SLCO5A1: variants seen among roughly 807,000 people sequenced by gnomAD.
The protein encoded by SLCO5A1 is solute carrier organic anion transporter family member 5A1.
A neutral mutation model predicts 65.1 loss-of-function variants in SLCO5A1; 39 were observed. That is an observed-to-expected ratio of 0.60 (90% CI 0.46 to 0.78). The LOEUF (loss-of-function observed/expected upper bound fraction) is 0.78. Among genes scored for constraint, SLCO5A1 ranks in the 30% least tolerant of loss-of-function variants. The pLI is 0.00. For missense variants in SLCO5A1, 1,029 were observed against 1,069.4 expected (o/e 0.96, Z 0.53); for synonymous variants, 438 against 415.7 (o/e 1.05, Z -0.65).
chr8:69,766,671 T>C (rs1818073060), intron 2 of SLCO5A1, among the ~76,000 whole-genome samples: 2 of 152,188 alleles, frequency 1.3e-5, no homozygotes, highest in South Asian at 4.1e-4. Flanking sequence ...AATTAAAGAC[T>C]CTTTGCCCAA....
chr8:69,756,961 C>G (rs1410853099), intron 3 of SLCO5A1, among the ~76,000 whole-genome samples: 1 of 152,236 alleles, frequency 6.6e-6, no homozygotes, highest in Admixed American at 6.5e-5. Flanking sequence ...AAATGCTCAA[C>G]ACATTCCCAT....
chr8:69,774,079 T>C (rs1023881842), intron 2 of SLCO5A1, among the ~76,000 whole-genome samples: 5 of 152,264 alleles, frequency 3.3e-5, no homozygotes, highest in African/African-American at 1.2e-4. Flanking sequence ...TTTTTCTCAC[T>C]GATGCATTAT....
In SLCO5A1 at chr8:69,670,660, C is replaced by G. The variant is rs181607292; in HGVS notation, c.*2209G>C. 1 of 152,158 alleles carries G rather than the reference C, an allele frequency of 6.6e-6. No homozygotes were observed. Among genetic ancestry groups the G allele is most frequent in the Non-Finnish European group, 1.5e-5 (1 of 68,046 alleles). 9.4% of individuals were successfully genotyped at this position (152,158 alleles called of 1,614,324 possible). A position where few individuals can be genotyped will look rare whatever the true frequency, so the allele number is the denominator to read the frequency against. Reference sequence around the variant, plus strand: ...CACCTGAAGATACCTGGCACCTGATCAGTGATCGCCAAACTGGATGACTGT... The same window carrying G: ...CACCTGAAGATACCTGGCACCTGATGAGTGATCGCCAAACTGGATGACTGT... On this transcript the variant is annotated 3_prime_UTR_variant, in exon 10 of 10. Transcript: ENST00000260126.
chr8:69,754,622 C>G (rs771012022), intron 4 of SLCO5A1, among the ~76,000 whole-genome samples: 1 of 152,108 alleles, frequency 6.6e-6, no homozygotes, highest in Non-Finnish European at 1.5e-5. Flanking sequence ...GGGAGTGTCA[C>G]ATTATAGGTT....
At position 69,712,218 on chromosome 8, in the gene SLCO5A1, C is replaced by A. The variant is rs148775369; in HGVS notation, c.1424-6989G>T. On this transcript the variant is annotated intron_variant, in intron 5 of 9. Transcript: ENST00000260126. ...ATCCTGCTGCTTTCCAGCTGGAAATCTTTTATCTAGTCATTTATCCAAGCA... is the reference window on the plus strand; with the variant it reads ...ATCCTGCTGCTTTCCAGCTGGAAATATTTTATCTAGTCATTTATCCAAGCA... 4.1e-3 allele frequency among the ~76,000 whole-genome samples: 620 copies of A among 152,256 alleles called. 7 individuals are homozygous for A. Among genetic ancestry groups the A allele is most frequent in the Non-Finnish European group, 5.2e-3 (356 of 68,016 alleles).
At chr8:69,756,976 T>G (rs970110625) in intron 3 of SLCO5A1, among the ~76,000 whole-genome samples, 28 of 152,228 alleles carry the variant, frequency 1.8e-4, no homozygotes, top group African/African-American at 6.8e-4. Context: ...TCCCATCAAC[T>G]GTAACCAGAA....
chr8:69,729,446 CAAAAAAAAAA>C (rs56392223), intron 5 of SLCO5A1, among the ~76,000 whole-genome samples: 3 of 80,522 alleles, frequency 3.7e-5, no homozygotes, highest in Admixed American at 2.0e-4. Context: ...TCCGTCCCAA[CAAAAAAAAAA>C]AAAAAAAAAA....
chr8:69,783,061 C>G (rs1818866580), intron 2 of SLCO5A1, among the ~76,000 whole-genome samples: 1 of 152,066 alleles, frequency 6.6e-6, no homozygotes, highest in Non-Finnish European at 1.5e-5. Context: ...GTAAATGAAA[C>G]AATGTACATA....
chr8:69,755,519 G>C lies in SLCO5A1; in HGVS notation c.1163C>G (p.Ala388Gly), dbSNP rs1244583602. The change falls in exon 4 of 10, where the codon GCT (alanine) becomes GGT (glycine). Residue 388 changes from alanine to glycine, a missense_variant. Ala to Gly is a moderately conservative substitution (Grantham distance 60, BLOSUM62 0). Around this residue, in one of 3 missense-constraint regions of SLCO5A1, gnomAD observed 647 missense variants for 647.5 expected, o/e 1.00. Transcript: ENST00000260126. ...KKKKKKFSVD[A>G]VSDDDVLKEK... ...CTTCAGAACATCGTCATCACTAACA[G>C]CATCAACAGAAAATTTTTTCTTTTT... 6.2e-7 allele frequency: 1 copy of C among 1,614,046 alleles called. No homozygotes were observed.
In SLCO5A1 at chr8:69,735,362, G is replaced by A. The variant is rs553589380; in HGVS notation, c.1423+2678C>T. On this transcript the variant is annotated intron_variant, in intron 5 of 9. Transcript: ENST00000260126. ...TATAAATAATTATATTATAAAATGC[G>A]TGCACACGTATGTTCATTGCAGCAT... is the stretch of plus-strand genomic sequence containing the variant. Among the ~76,000 whole-genome samples, 42 of 152,202 alleles carry A rather than the reference G, an allele frequency of 2.8e-4. No homozygotes were observed. The South Asian group carries it at 4.1e-3, about 15-fold the overall frequency.
At chr8:69,811,518 G>A (rs984953606) in intron 2 of SLCO5A1, among the ~76,000 whole-genome samples, 1 of 152,144 alleles carries the variant, frequency 6.6e-6, no homozygotes, top group African/African-American at 2.4e-5. Context: ...AGAACACTCT[G>A]GTGTAATGAA....
At chr8:69,692,697 C>T (rs1484558716) in intron 6 of SLCO5A1, among the ~76,000 whole-genome samples, 2 of 152,126 alleles carry the variant, frequency 1.3e-5, no homozygotes, top group African/African-American at 2.4e-5. Context: ...TAGCCTACAC[C>T]TACACAGGGT....
chr8:69,706,796 A>C (rs902801442), intron 5 of SLCO5A1, among the ~76,000 whole-genome samples: 5 of 152,196 alleles, frequency 3.3e-5, no homozygotes, highest in African/African-American at 1.2e-4. Flanking sequence ...TTAACTTTAT[A>C]ATTATCTTTA....
In SLCO5A1 at chr8:69,682,273, C is replaced by T. The variant is rs1264477188; in HGVS notation, c.1693G>A (p.Glu565Lys). ...TCTGATCCACAGACTGGCTCATACT[C>T]GTGTATTTTACAACCACAATTAACG... ...CNVNCGCKIHEYEPVCGSDGI... is the reference protein window; with the variant it reads ...CNVNCGCKIHKYEPVCGSDGI... Residue 565 changes from glutamate to lysine, a missense_variant, in exon 7 of 10, where the codon GAG (glutamate) becomes AAG (lysine). Glu to Lys is a moderately conservative substitution (Grantham distance 56). Around this residue, in one of 3 missense-constraint regions of SLCO5A1, gnomAD observed 124 missense variants for 184.5 expected, o/e 0.67. Transcript: ENST00000260126. The T allele has an allele frequency of 1.2e-6, 2 of 1,612,162 alleles. No homozygotes were observed. Among genetic ancestry groups the T allele is most frequent in the East Asian group, 2.2e-5 (1 of 44,752 alleles).
At chr8:69,823,611 C>A (rs1210509537) in intron 2 of SLCO5A1, among the ~76,000 whole-genome samples, 1 of 152,092 alleles carries the variant, frequency 6.6e-6, no homozygotes, top group Non-Finnish European at 1.5e-5. Flanking sequence ...TACAGGAGCA[C>A]CCAGATTCAT....
intron 2 of SLCO5A1, among the ~76,000 whole-genome samples, chr8:69,809,249 G>T (rs2130909967): frequency 6.6e-6 from 1 of 152,182 alleles, no homozygotes; most frequent in East Asian, 1.9e-4. Flanking sequence ...CAAGCTTAAA[G>T]GTTCAAAATT....
chr8:69,807,666 C>T (rs1267074987), intron 2 of SLCO5A1, among the ~76,000 whole-genome samples: 1 of 152,132 alleles, frequency 6.6e-6, no homozygotes, highest in Non-Finnish European at 1.5e-5. Flanking sequence ...TAGGTTCATC[C>T]GTGTTGTCGC....
At chr8:69,796,832 C>G (rs540570965) in intron 2 of SLCO5A1, among the ~76,000 whole-genome samples, 1 of 152,210 alleles carries the variant, frequency 6.6e-6, no homozygotes, top group African/African-American at 2.4e-5. Context: ...AATCATCTCT[C>G]TCAAGTTCAA....
At chr8:69,726,155 T>A (rs1282374100) in intron 5 of SLCO5A1, among the ~76,000 whole-genome samples, 1 of 152,148 alleles carries the variant, frequency 6.6e-6, no homozygotes, top group Non-Finnish European at 1.5e-5. Flanking sequence ...CAAAGGTAAG[T>A]GAAGCAAAAA....
Sources: gnomAD v4.1 joint callset for allele counts (sites outside exome capture counted in the v4.1 genomes callset) on GRCh38, gnomAD v4.1.1 for gene constraint, gnomAD v4.1.1 regional missense constraint, MANE v1.5 for transcripts, NCBI Gene and HGNC (gene_info 2026-07-23, HGNC 2026-07-21) for gene names.